DNAJA4: variants seen among roughly 807,000 people sequenced by gnomAD.
DNAJA4 encodes dnaJ homolog subfamily A member 4.
Under a neutral mutation model 39.7 loss-of-function variants are expected in DNAJA4, and 32 were observed. The ratio of observed to expected loss-of-function variants is 0.81; its 90% CI spans 0.61 to 1.08. The LOEUF is 1.08. DNAJA4 is among the 50% of genes least tolerant of loss of function. The pLI is 0.00. For missense variants in DNAJA4, 439 were observed against 505.1 expected (o/e 0.87, Z 1.25); for synonymous variants, 184 against 182.4 (o/e 1.01, Z -0.07).
intron 5 of DNAJA4, among the ~76,000 whole-genome samples, chr15:78,277,502 C>T (rs2049502933): frequency 6.6e-6 from 1 of 152,214 alleles, no homozygotes; most frequent in East Asian, 1.9e-4. Flanking sequence ...CACCCATTTC[C>T]TCCCTCAAGG....
At chr15:78,267,160 A>G (rs796071579) in intron 1 of DNAJA4, among the ~76,000 whole-genome samples, 41 of 131,210 alleles carry the variant, frequency 3.1e-4, no homozygotes, top group Middle Eastern at 7.6e-3. Context: ...GTGAGTGTGT[A>G]TGTGAGTGTG....
intron 1 of DNAJA4, among the ~76,000 whole-genome samples, chr15:78,268,145 G>GTCCTACACA (rs1379767566): frequency 1.2e-4 from 18 of 152,208 alleles, no homozygotes; most frequent in African/African-American, 4.1e-4. Flanking sequence ...TGACATGTGA[G>GTCCTACACA]TATCCAGGGT....
Position 78,279,957 on chromosome 15 carries a change from G to C in DNAJA4, c.878-88G>C. ...CTTTGCCCACTGCCACGGGGCACTA[G>C]GGCCTGCCGCAGGCTCTCCCATGAG... On this transcript the variant is annotated intron_variant, in intron 5 of 6. Transcript: ENST00000394852. The surrounding 1 kb of genome is among the most constrained non-coding windows in gnomAD (Gnocchi z 4.5). 1 of 1,304,840 alleles carries C rather than the reference G, an allele frequency of 7.7e-7. No individual in the cohort carries two copies. 80.8% of individuals were successfully genotyped at this position (1,304,840 alleles called of 1,614,324 possible). A position where few individuals can be genotyped will look rare whatever the true frequency, so the allele number is the denominator to read the frequency against.
At chr15:78,264,417 C>T, upstream of DNAJA4, 20 of 1,363,462 alleles carry the variant, frequency 1.5e-5, no homozygotes, top group Non-Finnish European at 1.8e-5. Context: ...CCGCGCCGGA[C>T]GGGCGTCGGG....
intron 4 of DNAJA4, chr15:78,275,224 G>GC: frequency 4.6e-6 from 2 of 437,464 alleles, no homozygotes; most frequent in Non-Finnish European, 8.3e-6. Context: ...GGCATCACAG[G>GC]CCCTGGGCAG....
Position 78,278,752 on chromosome 15 carries a change from C to T in DNAJA4, c.878-1293C>T, listed in dbSNP as rs559786921. Among the ~76,000 whole-genome samples the T allele has an allele frequency of 4.2e-4, 63 of 151,736 alleles. 2 individuals carry two copies. The highest frequency in any genetic ancestry group is 1.5e-3 in the African/African-American group (62 of 41,346). ...CTGTACACTCTGCTTCCCGGGTTCA[C>T]GCCATTCTCCTGCCTCAGCCTCCCA... is the stretch of plus-strand genomic sequence containing the variant. On this transcript the variant is annotated intron_variant, in intron 5 of 6. Coordinates refer to ENST00000394852, the MANE Select transcript of DNAJA4 (RefSeq NM_001130182.2).
chr15:78,265,654 T>C (rs1468325631), intron 1 of DNAJA4: 1 of 702,260 alleles, frequency 1.4e-6, no homozygotes, highest in Non-Finnish European at 2.6e-6. Context: ...TTTTTATCTC[T>C]AAAGAGGCTC....
chr15:78,277,165 TTTTTA>T (rs1414075236), intron 5 of DNAJA4, among the ~76,000 whole-genome samples: 1 of 152,216 alleles, frequency 6.6e-6, no homozygotes, highest in East Asian at 1.9e-4. Flanking sequence ...TCTGTGTCTG[TTTTTA>T]TTTATTTTTA....
intron 5 of DNAJA4, chr15:78,277,953 T>G: frequency 2.3e-6 from 1 of 436,382 alleles, no homozygotes. Context: ...TGTTCTCTTT[T>G]GCACCCTCTC....
intron 1 of DNAJA4, chr15:78,270,258 T>C (rs1008262791): frequency 2.5e-6 from 1 of 395,088 alleles, no homozygotes; most frequent in African/African-American, 2.0e-5. Flanking sequence ...CTGGCTTCTC[T>C]CCCTTATTCT....
At position 78,281,567 on chromosome 15, in the gene DNAJA4, T is replaced by C. The variant is rs912994896; in HGVS notation, c.*1107T>C. Reference sequence around the variant, plus strand: ...TTGTATGGACTACTACTGTAAATTATAGCTTGTTTGGAGGGATATTAGTCA... The same window carrying C: ...TTGTATGGACTACTACTGTAAATTACAGCTTGTTTGGAGGGATATTAGTCA... On this transcript the variant is annotated 3_prime_UTR_variant, in exon 7 of 7. Transcript: ENST00000394852. The C allele has an allele frequency of 3.3e-5, 5 of 152,252 alleles. No individual in the cohort carries two copies. Among genetic ancestry groups the C allele is most frequent in the Admixed American group, 6.5e-5 (1 of 15,290 alleles). 9.4% of individuals were successfully genotyped at this position (152,252 alleles called of 1,614,324 possible). A position where few individuals can be genotyped will look rare whatever the true frequency, so the allele number is the denominator to read the frequency against.
At position 78,275,623 on chromosome 15, in the gene DNAJA4, G is replaced by T. The variant is rs2049433004; in HGVS notation, c.772G>T (p.Asp258Tyr). 1.2e-6 allele frequency: 2 copies of T among 1,614,172 alleles called. No homozygotes were observed. The highest frequency in any genetic ancestry group is 3.3e-5 in the Admixed American group (2 of 60,020). ...DHSVFQRRGH[D>Y]LIMKMKIQLS... The stretch of plus-strand genomic sequence containing the variant: ...TAGTGTCTTTCAGAGACGAGGCCAT[G>T]ACTTGATCATGAAAATGAAAATTCA... Residue 258 changes from aspartate to tyrosine, a missense_variant, in exon 5 of 7, where the codon GAC (aspartate) becomes TAC (tyrosine). Asp to Tyr is a radical substitution (Grantham distance 160). Transcript: ENST00000394852.
At chr15:78,268,000 G>C (rs575104105) in intron 1 of DNAJA4, among the ~76,000 whole-genome samples, 36 of 152,282 alleles carry the variant, frequency 2.4e-4, no homozygotes, top group African/African-American at 7.2e-4. Flanking sequence ...AGACTTTGGA[G>C]TGCTGGGACC....
chr15:78,265,346 C>T, intron 1 of DNAJA4: 1 of 629,564 alleles, frequency 1.6e-6, no homozygotes, highest in South Asian at 1.9e-5. Context: ...GGATGAGTGT[C>T]TTTAATCTGA....
intron 1 of DNAJA4, among the ~76,000 whole-genome samples, chr15:78,267,640 T>C (rs1175869951): frequency 6.6e-6 from 1 of 152,138 alleles, no homozygotes. Context: ...ATAATAGACT[T>C]TCAAGTTCAA....
intron 5 of DNAJA4, among the ~76,000 whole-genome samples, chr15:78,278,850 T>TTTTTTC (rs869065716): frequency 6.8e-6 from 1 of 147,824 alleles, no homozygotes; most frequent in African/African-American, 2.5e-5. Flanking sequence ...TTTTTTTTTT[T>TTTTTTC]AGTAGAGACG....
At chr15:78,267,193 AGTGTGT>A (rs1029065632) in intron 1 of DNAJA4, among the ~76,000 whole-genome samples, 5 of 150,444 alleles carry the variant, frequency 3.3e-5, no homozygotes, top group Admixed American at 2.6e-4. Context: ...TGTGTGTGTG[AGTGTGT>A]ATGTGAGTGT....
chr15:78,268,533 T>TTC (rs1194336871), intron 1 of DNAJA4, among the ~76,000 whole-genome samples: 2 of 152,196 alleles, frequency 1.3e-5, no homozygotes, highest in Non-Finnish European at 2.9e-5. Flanking sequence ...AATTCCCTTG[T>TTC]TCTCTCTCTC....
rs769560998 is a variant in DNAJA4 at position 78,280,462 on chromosome 15, G to C, written c.*2G>C. On this transcript the variant is annotated 3_prime_UTR_variant, in exon 7 of 7. Coordinates refer to ENST00000394852, the MANE Select transcript of DNAJA4 (RefSeq NM_001130182.2). ...GGAGTGCAGTGCCAGACGGCATGAC[G>C]TGGTGCGGGGCAGCGTGGCCCCACC... is the stretch of plus-strand genomic sequence containing the variant. The C allele has an allele frequency of 3.1e-6, 5 of 1,605,754 alleles. No individual in the cohort carries two copies. The highest frequency in any genetic ancestry group is 8.5e-7 in the Non-Finnish European group (1 of 1,176,244).
Sources: allele counts gnomAD v4.1 joint callset (sites outside exome capture counted in the v4.1 genomes callset), GRCh38; gene constraint gnomAD v4.1.1; non-coding constraint Gnocchi (gnomAD v3.1); transcripts MANE v1.5; gene names NCBI Gene and HGNC (gene_info 2026-07-23, HGNC 2026-07-21).